The following C14orf132 variants were observed in gnomAD, a reference collection of about 807,000 sequenced individuals.
C14orf132 encodes chromosome 14 open reading frame 132.
Under a neutral mutation model 5.8 loss-of-function variants are expected in C14orf132, and 6 were observed. That is an observed-to-expected ratio of 1.03 (90% CI 0.57 to 2.04). The LOEUF (loss-of-function observed/expected upper bound fraction) is 2.04. C14orf132 is among the 30% of genes most tolerant of loss of function. The pLI is 0.00. For missense variants in C14orf132, 125 were observed against 115.8 expected, an observed-to-expected ratio of 1.08 and a Z score of -0.37; for synonymous variants, 51 against 49.8, an observed-to-expected ratio of 1.02 and a Z score of -0.10.
chr14:96,062,082 C>G (rs1333616646), intron 1 of C14orf132, among the ~76,000 whole-genome samples: 2 of 152,152 alleles, frequency 1.3e-5, no homozygotes, highest in Non-Finnish European at 2.9e-5. Flanking sequence ...AACCCTCTAT[C>G]CAGCTGGTCC....
rs10148419 is a variant in C14orf132 at position 96,090,784 on chromosome 14, T to G, written c.*4049T>G. 1 of 456,084 alleles carries G rather than the reference T, an allele frequency of 2.2e-6. No homozygotes were observed. The highest frequency in any genetic ancestry group is 1.5e-5 in the South Asian group (1 of 64,564). 28.3% of individuals were successfully genotyped at this position (456,084 alleles called of 1,614,324 possible). ...CGGTTCAGCTGGAAGGCTTGGAGGC[T>G]GGCCAGACCACTCTGGCGTCTCCTG... On this transcript the variant is annotated 3_prime_UTR_variant, in exon 2 of 2. Coordinates refer to ENST00000555004, the MANE Select transcript of C14orf132 (RefSeq NM_001252507.3).
intron 1 of C14orf132, among the ~76,000 whole-genome samples, chr14:96,062,359 C>A (rs747592309): frequency 7.2e-5 from 11 of 152,124 alleles, no homozygotes; most frequent in Non-Finnish European, 1.3e-4. Context: ...CCTCTTTCAC[C>A]CTCAACCATG....
intron 1 of C14orf132, among the ~76,000 whole-genome samples, chr14:96,065,012 AC>A (rs1410278745): frequency 6.6e-6 from 1 of 151,998 alleles, no homozygotes; most frequent in Non-Finnish European, 1.5e-5. Context: ...TTTCTTCCTA[AC>A]CCAGTGTGCT....
At chr14:96,080,608 TA>T (rs960248196) in intron 1 of C14orf132, among the ~76,000 whole-genome samples, 5 of 152,148 alleles carry the variant, frequency 3.3e-5, no homozygotes, top group Non-Finnish European at 7.4e-5. Flanking sequence ...AGGTGGAGCT[TA>T]GGGGAGATTT....
intron 1 of C14orf132, among the ~76,000 whole-genome samples, chr14:96,057,901 G>A (rs765814291): frequency 6.6e-6 from 1 of 152,140 alleles, no homozygotes; most frequent in Admixed American, 6.5e-5. Flanking sequence ...CGCGGAGGTT[G>A]GAGAAGTTAA....
intron 1 of C14orf132, among the ~76,000 whole-genome samples, chr14:96,075,312 G>T (rs1786545525): frequency 6.6e-6 from 1 of 152,064 alleles, no homozygotes; most frequent in African/African-American, 2.4e-5. Flanking sequence ...GAAATTCCTT[G>T]AGATTTTCTG....
Position 96,039,941 on chromosome 14 carries a change from T to C in C14orf132, c.27+414T>C, listed in dbSNP as rs1300093524. On this transcript the variant is annotated intron_variant, in intron 1 of 1. Transcript: ENST00000555004. The surrounding 1 kb of genome is among the most constrained non-coding windows in gnomAD (Gnocchi z 5.3). ...CAGTCTCGCCCTTCCCCACTCTGTT[T>C]TCCCGAGGCGCCAGTAATCTGTCTC... Among the ~76,000 whole-genome samples, 3 of 152,136 alleles carry C rather than the reference T, an allele frequency of 2.0e-5. No homozygotes were observed. Among genetic ancestry groups the C allele is most frequent in the African/African-American group, 7.2e-5 (3 of 41,438 alleles).
At position 96,088,130 on chromosome 14, in the gene C14orf132, T is replaced by C. The variant is rs1210265750; in HGVS notation, c.*1395T>C. The C allele has an allele frequency of 6.6e-6, 1 of 152,086 alleles. No homozygotes were observed. The highest frequency in any genetic ancestry group is 1.5e-5 in the Non-Finnish European group (1 of 68,022). 9.4% of individuals were successfully genotyped at this position (152,086 alleles called of 1,614,324 possible). A position where few individuals can be genotyped will look rare whatever the true frequency, so the allele number is the denominator to read the frequency against. On this transcript the variant is annotated 3_prime_UTR_variant, in exon 2 of 2. Transcript: ENST00000555004. ...GTAGTGGAGAAACTTAAAAAGCTGGTTAGGAAGCTCTCGTGTATATTTAGA... is the reference window on the plus strand; with the variant it reads ...GTAGTGGAGAAACTTAAAAAGCTGGCTAGGAAGCTCTCGTGTATATTTAGA...
chr14:96,048,644 G>A (rs1319523004), intron 1 of C14orf132, among the ~76,000 whole-genome samples: 3 of 152,012 alleles, frequency 2.0e-5, no homozygotes, highest in Non-Finnish European at 4.4e-5. Flanking sequence ...ACCTGCCTCA[G>A]CCTCCCGAAT....
chr14:96,072,164 C>T (rs1887730693), intron 1 of C14orf132, among the ~76,000 whole-genome samples: 1 of 152,244 alleles, frequency 6.6e-6, no homozygotes, highest in Admixed American at 6.5e-5. Flanking sequence ...AGCACTTCCT[C>T]AGGAGAGTTG....
intron 1 of C14orf132, among the ~76,000 whole-genome samples, chr14:96,064,334 G>GATAA (rs1887457402): frequency 6.8e-6 from 1 of 146,504 alleles, no homozygotes; most frequent in African/African-American, 2.5e-5. Flanking sequence ...ATCAATCATC[G>GATAA]AGTGGATAAA....
chr14:96,053,386 C>T lies in C14orf132; in HGVS notation c.27+13859C>T, dbSNP rs191760846. Among the ~76,000 whole-genome samples the T allele has an allele frequency of 5.3e-5, 8 of 152,216 alleles. No homozygotes were observed. The South Asian group carries it at 1.0e-3, about 20-fold the overall frequency. ...CCTCTTATGAAAGGTGACCAAGGAG[C>T]GAGGGCACCACACAGTCCCTGCTGT... On this transcript the variant is annotated intron_variant, in intron 1 of 1. Coordinates refer to ENST00000555004, the MANE Select transcript of C14orf132 (RefSeq NM_001252507.3).
chr14:96,042,513 C>G (rs1340523713), intron 1 of C14orf132, among the ~76,000 whole-genome samples: 2 of 152,226 alleles, frequency 1.3e-5, no homozygotes, highest in Admixed American at 1.3e-4. Context: ...TCCAAGCCCA[C>G]GTTTCTTCTT....
intron 1 of C14orf132, among the ~76,000 whole-genome samples, chr14:96,061,820 G>T (rs751544135): frequency 6.6e-6 from 1 of 152,086 alleles, no homozygotes; most frequent in Non-Finnish European, 1.5e-5. Context: ...TGAGGCAGGA[G>T]GATTGCTTGA....
Position 96,039,434 on chromosome 14 carries a change from G to GT in C14orf132, c.-66dup. ...CTGCTCAGCCCGATCCCCGCCAACT[G>GT]TGCAGGCGGCTGACCCGCAGCGGCA... is the stretch of plus-strand genomic sequence containing the variant. On this transcript the variant is annotated 5_prime_UTR_variant, in exon 1 of 2. Coordinates refer to ENST00000555004, the MANE Select transcript of C14orf132 (RefSeq NM_001252507.3). The surrounding 1 kb of genome is among the most constrained non-coding windows in gnomAD (Gnocchi z 5.3). 6.9e-7 allele frequency: 1 copy of GT among 1,448,316 alleles called. No individual in the cohort carries two copies. Among genetic ancestry groups the GT allele is most frequent in the South Asian group, 1.4e-5 (1 of 73,584 alleles). 89.7% of individuals were successfully genotyped at this position (1,448,316 alleles called of 1,614,324 possible).
chr14:96,047,106 A>G (rs1232892531), intron 1 of C14orf132, among the ~76,000 whole-genome samples: 1 of 152,160 alleles, frequency 6.6e-6, no homozygotes, highest in African/African-American at 2.4e-5. Context: ...ATTGTCTGTT[A>G]TCTTAGGGCT....
chr14:96,059,721 G>A (rs1022254758), intron 1 of C14orf132, among the ~76,000 whole-genome samples: 1 of 152,272 alleles, frequency 6.6e-6, no homozygotes. Context: ...CCTTGGTCCC[G>A]CCTTTCCTCC....
At chr14:96,061,249 G>T (rs927517323) in intron 1 of C14orf132, among the ~76,000 whole-genome samples, 2 of 152,188 alleles carry the variant, frequency 1.3e-5, no homozygotes, top group African/African-American at 2.4e-5. Flanking sequence ...GGCCCAGAGA[G>T]GGTGAGGGAT....
At chr14:96,065,113 C>T (rs1187427311) in intron 1 of C14orf132, among the ~76,000 whole-genome samples, 1 of 152,054 alleles carries the variant, frequency 6.6e-6, no homozygotes, top group Non-Finnish European at 1.5e-5. Context: ...GGCTTCTGAC[C>T]CAGCTGGGTG....
Sources: allele counts gnomAD v4.1 joint callset (sites outside exome capture counted in the v4.1 genomes callset), GRCh38; gene constraint gnomAD v4.1.1; non-coding constraint Gnocchi (gnomAD v3.1); transcripts MANE v1.5; gene names NCBI Gene and HGNC (gene_info 2026-07-23, HGNC 2026-07-21).